Variants in ADCY2 observed in about 807,000 individuals in gnomAD.
The protein encoded by ADCY2 is adenylate cyclase type 2.
Under a neutral mutation model 125.2 loss-of-function variants are expected in ADCY2, and 31 were observed. That is an observed-to-expected ratio of 0.25 (90% CI 0.19 to 0.33). The LOEUF is 0.33. ADCY2 is among the 10% of genes least tolerant of loss of function. ADCY2 has a pLI of 1.00. For synonymous variants in ADCY2, 512 were observed against 548.4 expected, an observed-to-expected ratio of 0.93 and a Z score of 0.93; for missense variants, 904 against 1,418.2, an observed-to-expected ratio of 0.64 and a Z score of 5.82.
intron 22 of ADCY2, among the ~76,000 whole-genome samples, chr5:7,808,657 T>G (rs564563439): frequency 1.1e-4 from 17 of 152,314 alleles, no homozygotes; most frequent in Non-Finnish European, 1.9e-4. Context: ...GAGCTCCACA[T>G]GGCAGCCTCT....
At chr5:7,547,064 C>T (rs1025974801) in intron 3 of ADCY2, among the ~76,000 whole-genome samples, 1 of 152,176 alleles carries the variant, frequency 6.6e-6, no homozygotes, top group Non-Finnish European at 1.5e-5. Flanking sequence ...CTCCTGCACA[C>T]TCTCAAATGG....
At chr5:7,528,072 C>G (rs1356647027) in intron 3 of ADCY2, among the ~76,000 whole-genome samples, 1 of 152,172 alleles carries the variant, frequency 6.6e-6, no homozygotes, top group Non-Finnish European at 1.5e-5. Context: ...GAATCCATCT[C>G]TTAGGTTTCG....
intron 2 of ADCY2, among the ~76,000 whole-genome samples, chr5:7,511,595 G>A (rs1056269015): frequency 1.3e-5 from 2 of 151,964 alleles, no homozygotes; most frequent in African/African-American, 4.8e-5. Flanking sequence ...AAAAAATGTA[G>A]TGTGATTAGC....
chr5:7,462,069 C>T (rs144868337), intron 2 of ADCY2, among the ~76,000 whole-genome samples: 75 of 152,302 alleles, frequency 4.9e-4, no homozygotes, highest in African/African-American at 1.8e-3. Flanking sequence ...TTTATGGTGT[C>T]TGCACATTTT....
chr5:7,679,112 G>A (rs898033672), intron 4 of ADCY2, among the ~76,000 whole-genome samples: 1 of 152,350 alleles, frequency 6.6e-6, no homozygotes, highest in African/African-American at 2.4e-5. Context: ...CAAAGTGAAT[G>A]TTGACAGCTA....
Position 7,396,461 on chromosome 5 carries a change from G to T in ADCY2, c.165G>T (p.Met55Ile). 6.3e-7 allele frequency: 1 copy of T among 1,576,892 alleles called. No homozygotes were observed. The highest frequency in any genetic ancestry group is 8.6e-7 in the Non-Finnish European group (1 of 1,161,976). Reference protein sequence around the residue: ...PLIVFLLLIVMGSCLALLAVF... With the variant: ...PLIVFLLLIVIGSCLALLAVF... The stretch of plus-strand genomic sequence containing the variant: ...TCGTCTTCCTGCTGCTCATCGTCAT[G>T]GGCTCCTGCCTCGCCCTGCTCGCCG... Residue 55 changes from methionine to isoleucine, a missense_variant, in exon 1 of 25, where the codon ATG becomes ATT. By Grantham distance (10) the Met-to-Ile change is conservative. Around this residue, in one of 7 missense-constraint regions of ADCY2, gnomAD observed 113 missense variants for 108.0 expected, o/e 1.05. Coordinates refer to ENST00000338316, the MANE Select transcript of ADCY2 (RefSeq NM_020546.3). The surrounding 1 kb of genome is among the most constrained non-coding windows in gnomAD (Gnocchi z 5.7).
chr5:7,452,701 A>C (rs1741519236), intron 2 of ADCY2, among the ~76,000 whole-genome samples: 1 of 152,140 alleles, frequency 6.6e-6, no homozygotes, highest in Non-Finnish European at 1.5e-5. Context: ...GGTTGTACTG[A>C]TTTATATTCC....
intron 23 of ADCY2, among the ~76,000 whole-genome samples, chr5:7,820,060 A>G (rs1427353779): frequency 6.6e-6 from 1 of 152,218 alleles, no homozygotes; most frequent in Non-Finnish European, 1.5e-5. Flanking sequence ...AAATTATTTG[A>G]GATGCCTAAA....
rs1186641660 is a variant in ADCY2, at chr5:7,396,360, G to A, written c.64G>A (p.Gly22Ser). The change falls in exon 1 of 25, where the codon GGC becomes AGC. Residue 22 changes from glycine to serine, a missense_variant. Transcript: ENST00000338316. This position sits in a 1 kb window ranked among gnomAD's most constrained non-coding sequence, Gnocchi z 5.7. ...GGACCGCTCCGAGGAGGCGGCGGGC[G>A]GCGGAGACGGGCTGCCGCGGTCCCG... ...LRDRSEEAAG[G>S]GDGLPRSRDW... 4 of 1,549,576 alleles carry A rather than the reference G, an allele frequency of 2.6e-6. No individual in the cohort carries two copies. The highest frequency in any genetic ancestry group is 3.5e-6 in the Non-Finnish European group (4 of 1,149,346).
At chr5:7,569,464 T>C (rs1736006700) in intron 3 of ADCY2, among the ~76,000 whole-genome samples, 1 of 152,106 alleles carries the variant, frequency 6.6e-6, no homozygotes, top group Non-Finnish European at 1.5e-5. Context: ...CTTTAAACAA[T>C]GTAAGGATAT....
At position 7,777,055 on chromosome 5, in the gene ADCY2, C is replaced by CTATATA. The variant is rs35756313; in HGVS notation, c.2384+3965_2384+3970dup. On this transcript the variant is annotated intron_variant, in intron 18 of 24. Coordinates refer to ENST00000338316, the MANE Select transcript of ADCY2 (RefSeq NM_020546.3). ...CCAATTCTCGGTAATAAACTCCCTT[C>CTATATA]TATATATATATATATACATCCTATT... Among the ~76,000 whole-genome samples the CTATATA allele has an allele frequency of 5.5e-3, 822 of 149,318 alleles. 4 individuals carry two copies. The highest frequency in any genetic ancestry group is 0.018 in the African/African-American group (734 of 40,634).
intron 4 of ADCY2, among the ~76,000 whole-genome samples, chr5:7,661,587 C>G (rs754935124): frequency 6.6e-6 from 1 of 152,164 alleles, no homozygotes; most frequent in Non-Finnish European, 1.5e-5. Flanking sequence ...TTTTAATGGT[C>G]GAATAAATGA....
intron 23 of ADCY2, among the ~76,000 whole-genome samples, chr5:7,818,144 A>G (rs1036219361): frequency 6.6e-6 from 1 of 152,114 alleles, no homozygotes; most frequent in African/African-American, 2.4e-5. Flanking sequence ...AGCAAATTCT[A>G]TCTGAATGGT....
At chr5:7,492,168 C>G (rs1743186679) in intron 2 of ADCY2, among the ~76,000 whole-genome samples, 1 of 152,138 alleles carries the variant, frequency 6.6e-6, no homozygotes, top group African/African-American at 2.4e-5. Flanking sequence ...AGAAAGGGAC[C>G]ATCACAAGGA....
intron 3 of ADCY2, among the ~76,000 whole-genome samples, chr5:7,597,414 G>C (rs1051951776): frequency 6.6e-6 from 1 of 152,212 alleles, no homozygotes; most frequent in African/African-American, 2.4e-5. Context: ...GGCTCCTGCT[G>C]CTTACAGGGT....
In ADCY2 at chr5:7,406,533, T is replaced by C. The variant is rs565412826; in HGVS notation, c.211-8040T>C. ...CCTGGCCCAGAGACTAGAGATTGCT[T>C]CTTCATTACAACCAGACTCTTGTTT... On this transcript the variant is annotated intron_variant, in intron 1 of 24. Coordinates refer to ENST00000338316, the MANE Select transcript of ADCY2 (RefSeq NM_020546.3). Among the ~76,000 whole-genome samples the C allele has an allele frequency of 4.6e-5, 7 of 152,324 alleles. No homozygotes were observed. The East Asian group carries it at 1.4e-3, about 29-fold the overall frequency.
chr5:7,640,436 T>G (rs1052405734), intron 4 of ADCY2, among the ~76,000 whole-genome samples: 4 of 152,036 alleles, frequency 2.6e-5, no homozygotes, highest in African/African-American at 7.3e-5. Flanking sequence ...AGAGGAAAAT[T>G]TTTCCACTAT....
At chr5:7,725,233 A>G (rs368310973) in intron 13 of ADCY2, among the ~76,000 whole-genome samples, 1 of 152,142 alleles carries the variant, frequency 6.6e-6, no homozygotes, top group East Asian at 1.9e-4. Flanking sequence ...ACTTTATTTT[A>G]TTCGCCTTTT....
chr5:7,815,789 T>C (rs1215049405), intron 22 of ADCY2, among the ~76,000 whole-genome samples: 2 of 152,164 alleles, frequency 1.3e-5, no homozygotes, highest in East Asian at 3.9e-4. Flanking sequence ...GACGAGTAAA[T>C]GAGGAAATTG....
Sources: allele counts gnomAD v4.1 joint callset (sites outside exome capture counted in the v4.1 genomes callset), GRCh38; gene constraint gnomAD v4.1.1; regional missense constraint gnomAD v4.1.1; non-coding constraint Gnocchi (gnomAD v3.1); transcripts MANE v1.5; gene names NCBI Gene and HGNC (gene_info 2026-07-23, HGNC 2026-07-21).